Variants in GRIN2B observed in about 807,000 individuals in gnomAD.
The protein encoded by GRIN2B is glutamate ionotropic receptor NMDA type subunit 2B.
In GRIN2B, 5 loss-of-function variants were observed where a neutral mutation model predicts 114.5. The ratio of observed to expected loss-of-function variants is 0.04; its 90% CI spans 0.02 to 0.09. GRIN2B has a LOEUF of 0.09. Among genes scored for constraint, GRIN2B ranks in the 10% least tolerant of loss-of-function variants. The pLI, the probability that GRIN2B is intolerant of heterozygous loss-of-function variation, is 1.00. For synonymous variants in GRIN2B, 787 were observed against 745.1 expected (o/e 1.06, Z -0.92); for missense variants, 1,108 against 1,943.5 (o/e 0.57, Z 8.08).
At chr12:13,672,065 G>A (rs1360544453) in intron 5 of GRIN2B, among the ~76,000 whole-genome samples, 3 of 152,058 alleles carry the variant, frequency 2.0e-5, no homozygotes, top group African/African-American at 7.2e-5. Context: ...TGTCCTAGGA[G>A]CTATGCCCTT....
Position 13,562,701 on chromosome 12 carries a change from C to G in GRIN2B, c.*82G>C. On this transcript the variant is annotated 3_prime_UTR_variant, in exon 14 of 14. Transcript: ENST00000609686. ...GGAGCAAATGGGAACCAAGTTCACC[C>G]CCGTCACCCTCCGTGACATGCGCAT... 1.7e-6 allele frequency: 2 copies of G among 1,151,482 alleles called. No homozygotes were observed. Among genetic ancestry groups the G allele is most frequent in the Non-Finnish European group, 2.6e-6 (2 of 760,140 alleles). The allele number at this position is 1,151,482 out of a possible 1,614,324, so 71.3% of individuals were successfully genotyped here. A position where few individuals can be genotyped will look rare whatever the true frequency, so the allele number is the denominator to read the frequency against.
chr12:13,588,523 C>T (rs1389030784), intron 10 of GRIN2B, among the ~76,000 whole-genome samples: 1 of 152,066 alleles, frequency 6.6e-6, no homozygotes, highest in Non-Finnish European at 1.5e-5. Context: ...TCTGGCCTGA[C>T]AAAAGAAGAT....
At chr12:13,698,616 A>C (rs1428674347) in intron 4 of GRIN2B, among the ~76,000 whole-genome samples, 1 of 152,178 alleles carries the variant, frequency 6.6e-6, no homozygotes, top group Non-Finnish European at 1.5e-5. Context: ...GTACAGAAAA[A>C]ATATATTTTA....
At chr12:13,637,923 G>A (rs1393484275) in intron 5 of GRIN2B, among the ~76,000 whole-genome samples, 5 of 152,128 alleles carry the variant, frequency 3.3e-5, no homozygotes, top group South Asian at 2.1e-4. Context: ...TTGGTTAAGA[G>A]TCTAGGCCAA....
intron 4 of GRIN2B, among the ~76,000 whole-genome samples, chr12:13,700,492 G>A (rs1241544720): frequency 1.3e-5 from 2 of 152,136 alleles, no homozygotes; most frequent in African/African-American, 4.8e-5. Context: ...GGATTGGGCT[G>A]TAACTGCTTT....
At chr12:13,692,244 C>A (rs1010329364) in intron 4 of GRIN2B, among the ~76,000 whole-genome samples, 1 of 152,032 alleles carries the variant, frequency 6.6e-6, no homozygotes, top group South Asian at 2.1e-4. Context: ...AAAATGGAAA[C>A]TATGAAGATA....
chr12:13,835,449 A>G (rs1303108175), intron 3 of GRIN2B, among the ~76,000 whole-genome samples: 1 of 152,036 alleles, frequency 6.6e-6, no homozygotes, highest in Non-Finnish European at 1.5e-5. Context: ...TCTCTTCCTT[A>G]CCTCTTGCCA....
Position 13,667,198 on chromosome 12 carries a change from C to A in GRIN2B, c.1125+8547G>T, listed in dbSNP as rs558122133. On this transcript the variant is annotated intron_variant, in intron 5 of 13. Transcript: ENST00000609686. The stretch of plus-strand genomic sequence containing the variant: ...AGACAGACATGGAACACATGGACAA[C>A]CCCATTCTCTGTGATGTAACTACCA... 1.6e-4 allele frequency among the ~76,000 whole-genome samples: 24 copies of A among 152,196 alleles called. No homozygotes were observed. In the East Asian group the frequency reaches 4.1e-3, roughly 26 times the overall value.
At chr12:13,648,575 G>A (rs934880410) in intron 5 of GRIN2B, among the ~76,000 whole-genome samples, 1 of 151,950 alleles carries the variant, frequency 6.6e-6, no homozygotes, top group Admixed American at 6.6e-5. Context: ...CTGCCACAGA[G>A]AAAGCAGTTT....
intron 11 of GRIN2B, among the ~76,000 whole-genome samples, chr12:13,571,160 C>T (rs1419887396): frequency 7.2e-5 from 11 of 152,126 alleles, no homozygotes; most frequent in Non-Finnish European, 1.2e-4. Context: ...AAATCAGCTA[C>T]GAGACCCCTT....
At chr12:13,578,361 G>A (rs1948804711) in intron 10 of GRIN2B, among the ~76,000 whole-genome samples, 1 of 152,132 alleles carries the variant, frequency 6.6e-6, no homozygotes, top group Non-Finnish European at 1.5e-5. Flanking sequence ...TTCCACCTTG[G>A]CCTTTGGAAA....
chr12:13,761,168 A>G (rs756416500), intron 3 of GRIN2B, among the ~76,000 whole-genome samples: 1 of 152,242 alleles, frequency 6.6e-6, no homozygotes, highest in African/African-American at 2.4e-5. Context: ...ATTCAAGCAG[A>G]TCTGGCAAGT....
chr12:13,633,125 C>T (rs1384427167), intron 5 of GRIN2B, among the ~76,000 whole-genome samples: 1 of 152,212 alleles, frequency 6.6e-6, no homozygotes, highest in Non-Finnish European at 1.5e-5. Flanking sequence ...CTCCCAGGTG[C>T]TGGGATCCTT....
At chr12:13,875,129 G>C (rs539452826) in intron 2 of GRIN2B, among the ~76,000 whole-genome samples, 3 of 151,564 alleles carry the variant, frequency 2.0e-5, no homozygotes, top group Non-Finnish European at 4.4e-5. Flanking sequence ...ATGTATCCAC[G>C]TGTTCTCATC....
chr12:13,616,550 C>T lies in GRIN2B; in HGVS notation c.1233G>A (p.Leu411=), dbSNP rs983555912. 2 of 1,613,918 alleles carry T rather than the reference C, an allele frequency of 1.2e-6. No individual in the cohort carries two copies. The highest frequency in any genetic ancestry group is 1.7e-6 in the Non-Finnish European group (2 of 1,179,788). The change falls in exon 6 of 14, where the codon CTG becomes CTA. Residue 411 remains leucine (L), a synonymous_variant. Coordinates refer to ENST00000609686, the MANE Select transcript of GRIN2B (RefSeq NM_000834.5). ...QEDDHLSIVT[L]EEAPFVIVES... is the part of the protein sequence containing the mutation. ...CCACAATGACAAATGGTGCCTCCTC[C>T]AGGGTCACAATGCTCAGATGGTCAT... is the stretch of plus-strand genomic sequence containing the variant.
At chr12:13,608,552 G>T in intron 10 of GRIN2B, 51 bp downstream of exon 10, 1 of 1,352,604 alleles carries the variant, frequency 7.4e-7, no homozygotes, top group Non-Finnish European at 1.1e-6. Context: ...TTTGAGTATG[G>T]CTGAGAACAG....
intron 3 of GRIN2B, among the ~76,000 whole-genome samples, chr12:13,830,211 A>G (rs1396574986): frequency 5.3e-5 from 8 of 152,228 alleles, no homozygotes; most frequent in Admixed American, 5.2e-4. Flanking sequence ...CACAGTTAGT[A>G]AACTCATACT....
At chr12:13,642,675 T>G (rs1949730645) in intron 5 of GRIN2B, among the ~76,000 whole-genome samples, 1 of 152,224 alleles carries the variant, frequency 6.6e-6, no homozygotes, top group South Asian at 2.1e-4. Context: ...TTTATTTGCT[T>G]ATGCATTCCT....
At chr12:13,668,651 T>C (rs1949997956) in intron 5 of GRIN2B, among the ~76,000 whole-genome samples, 1 of 152,200 alleles carries the variant, frequency 6.6e-6, no homozygotes, top group South Asian at 2.1e-4. Flanking sequence ...CCCCGTGTCA[T>C]TGTCGTAAGT....
Sources: gnomAD v4.1 joint callset for allele counts (sites outside exome capture counted in the v4.1 genomes callset) on GRCh38, gnomAD v4.1.1 for gene constraint, MANE v1.5 for transcripts, NCBI Gene and HGNC (gene_info 2026-07-23, HGNC 2026-07-21) for gene names.